The following CAMK2D variants were observed in gnomAD, a reference collection of about 807,000 sequenced individuals.
CAMK2D encodes calcium/calmodulin-dependent protein kinase type II subunit delta.
A neutral mutation model predicts 84.0 loss-of-function variants in CAMK2D; 37 were observed. The observed-to-expected ratio is 0.44, with a 90% CI of 0.34 to 0.58. CAMK2D has a LOEUF of 0.58. CAMK2D is among the 20% of genes least tolerant of loss of function. The pLI is 0.02. For missense variants in CAMK2D, 448 were observed against 652.5 expected (o/e 0.69, Z 3.41); for synonymous variants, 202 against 212.5 (o/e 0.95, Z 0.43).
At chr4:113,548,690 A>G in intron 5 of CAMK2D, 1 of 1,585,824 alleles carries the variant, frequency 6.3e-7, no homozygotes. Context: ...CATTTAGGTG[A>G]CAATGATTAA....
intron 4 of CAMK2D, among the ~76,000 whole-genome samples, chr4:113,602,914 C>T (rs957633779): frequency 1.8e-4 from 27 of 152,264 alleles, no homozygotes; most frequent in Non-Finnish European, 3.8e-4. Context: ...AGGTGACTGC[C>T]CATGTTAAAG....
chr4:113,609,194 T>C lies in CAMK2D; in HGVS notation c.233A>G (p.Asp78Gly), dbSNP rs756503673. 5.7e-6 allele frequency: 9 copies of C among 1,580,964 alleles called. No homozygotes were observed. The highest frequency in any genetic ancestry group is 2.2e-5 in the South Asian group (2 of 90,360). Residue 78 changes from aspartate to glycine, a missense_variant, in exon 4 of 21, where the codon GAT becomes GGT. Transcript: ENST00000511664. Reference sequence around the variant, plus strand: ...GTGAAAGCCCTCTTCTGATATGCTATCATGAAGTCGCACTAGAAAAAAATA... The same window carrying C: ...GTGAAAGCCCTCTTCTGATATGCTACCATGAAGTCGCACTAGAAAAAAATA... ...LKHPNIVRLHDSISEEGFHYL... is the reference protein window; with the variant it reads ...LKHPNIVRLHGSISEEGFHYL...
At chr4:113,515,385 T>C (rs1218970300) in intron 9 of CAMK2D, among the ~76,000 whole-genome samples, 194 bp from the exon 10 acceptor site, 2 of 152,116 alleles carry the variant, frequency 1.3e-5, no homozygotes, top group Admixed American at 1.3e-4. Flanking sequence ...CAACTATATA[T>C]ATTAAAGAGT....
intron 4 of CAMK2D, among the ~76,000 whole-genome samples, chr4:113,570,348 G>A (rs531019446): frequency 3.9e-4 from 59 of 152,232 alleles, no homozygotes; most frequent in African/African-American, 1.3e-3. Context: ...GAGCAATCTT[G>A]AGCAAAGAGA....
At chr4:113,632,884 A>G (rs962041339) in intron 3 of CAMK2D, among the ~76,000 whole-genome samples, 3 of 152,182 alleles carry the variant, frequency 2.0e-5, no homozygotes, top group Non-Finnish European at 2.9e-5. Flanking sequence ...AAAGCATCAT[A>G]AAATAATGTT....
At position 113,454,167 on chromosome 4, in the gene CAMK2D, G is replaced by A. The variant is rs1020644130; in HGVS notation, c.*378C>T. 5 of 180,876 alleles carry A rather than the reference G, an allele frequency of 2.8e-5. No individual in the cohort carries two copies. Among genetic ancestry groups the A allele is most frequent in the South Asian group, 4.0e-4 (2 of 5,036 alleles). The allele number at this position is 180,876 out of a possible 1,614,324, so 11.2% of individuals were successfully genotyped here. A position where few individuals can be genotyped will look rare whatever the true frequency, so the allele number is the denominator to read the frequency against. ...AAAAATTTACATTTCTCTTACAACT[G>A]TCATTCAGAGAACAATAGTTCTTAA... On this transcript the variant is annotated 3_prime_UTR_variant, in exon 21 of 21. Coordinates refer to ENST00000511664, the MANE Select transcript of CAMK2D (RefSeq NM_001321571.2).
intron 2 of CAMK2D, among the ~76,000 whole-genome samples, chr4:113,703,232 T>C (rs2099428506): frequency 6.6e-6 from 1 of 152,166 alleles, no homozygotes; most frequent in Non-Finnish European, 1.5e-5. Flanking sequence ...GTGATACAGA[T>C]AGATGATATA....
intron 2 of CAMK2D, among the ~76,000 whole-genome samples, chr4:113,669,377 A>G (rs975184170): frequency 6.6e-6 from 1 of 152,188 alleles, no homozygotes; most frequent in Non-Finnish European, 1.5e-5. Context: ...TAAGCCTTAT[A>G]CTACTTCTAG....
chr4:113,684,051 T>C (rs2099352929), intron 2 of CAMK2D, among the ~76,000 whole-genome samples: 1 of 152,150 alleles, frequency 6.6e-6, no homozygotes, highest in Non-Finnish European at 1.5e-5. Flanking sequence ...GAGAGATTTA[T>C]ATATAAAAAG....
At chr4:113,577,874 A>C (rs576736353) in intron 4 of CAMK2D, among the ~76,000 whole-genome samples, 1 of 152,044 alleles carries the variant, frequency 6.6e-6, no homozygotes, top group East Asian at 1.9e-4. Flanking sequence ...TGTATTTGTC[A>C]TGAAAGAGTG....
rs548326091 is a variant in CAMK2D at position 113,620,024 on chromosome 4, G to C, written c.221-10818C>G. Among the ~76,000 whole-genome samples, 27 of 152,294 alleles carry C rather than the reference G, an allele frequency of 1.8e-4. 1 individual carries two copies. The South Asian group carries it at 5.0e-3, about 28-fold the overall frequency. ...TCAGTTACTATATAATACAACAAATGATGGGAATCACCAAGAGAATGATAG... is the reference window on the plus strand; with the variant it reads ...TCAGTTACTATATAATACAACAAATCATGGGAATCACCAAGAGAATGATAG... On this transcript the variant is annotated intron_variant, in intron 3 of 20. Transcript: ENST00000511664.
intron 16 of CAMK2D, among the ~76,000 whole-genome samples, chr4:113,497,158 A>G (rs2097947302): frequency 6.6e-6 from 1 of 151,228 alleles, no homozygotes; most frequent in Admixed American, 6.6e-5. Flanking sequence ...GTTGGGTTTC[A>G]CTAATTTTTC....
At position 113,497,608 on chromosome 4, in the gene CAMK2D, T is replaced by C. The variant is rs148834414; in HGVS notation, c.1135+2855A>G. Among the ~76,000 whole-genome samples the C allele has an allele frequency of 3.9e-3, 587 of 152,348 alleles. 5 individuals are homozygous for C. Among genetic ancestry groups the C allele is most frequent in the African/African-American group, 0.014 (567 of 41,592 alleles). ...CTTTGTTGTTAGTTTACCTCATTTC[T>C]TCCTTTGACCGGGTTACCACAGTGT... On this transcript the variant is annotated intron_variant, in intron 16 of 20. Transcript: ENST00000511664.
chr4:113,761,298 C>G lies in CAMK2D; in HGVS notation c.-230G>C, dbSNP rs988053200. Reference sequence around the variant, plus strand: ...CCCACAGTCCGCCGATCCTCCTCCTCCTGCGGGCCTCGCTTCCTTCTTCTC... The same window carrying G: ...CCCACAGTCCGCCGATCCTCCTCCTGCTGCGGGCCTCGCTTCCTTCTTCTC... On this transcript the variant is annotated 5_prime_UTR_variant, in exon 1 of 21. Coordinates refer to ENST00000511664, the MANE Select transcript of CAMK2D (RefSeq NM_001321571.2). 7.0e-7 allele frequency: 1 copy of G among 1,423,100 alleles called. No individual in the cohort carries two copies. Among genetic ancestry groups the G allele is most frequent in the Non-Finnish European group, 9.2e-7 (1 of 1,092,450 alleles). The allele number at this position is 1,423,100 out of a possible 1,614,324, so 88.2% of individuals were successfully genotyped here. A position where few individuals can be genotyped will look rare whatever the true frequency, so the allele number is the denominator to read the frequency against.
At chr4:113,572,640 T>C (rs1264059675) in intron 4 of CAMK2D, among the ~76,000 whole-genome samples, 1 of 152,132 alleles carries the variant, frequency 6.6e-6, no homozygotes, top group East Asian at 1.9e-4. Flanking sequence ...TAACAGATGC[T>C]GGGGAGATTG....
At chr4:113,733,513 T>C (rs980061529) in intron 2 of CAMK2D, among the ~76,000 whole-genome samples, 1 of 152,200 alleles carries the variant, frequency 6.6e-6, no homozygotes, top group African/African-American at 2.4e-5. Context: ...GTGAGTTAAG[T>C]GAGTTAAATA....
chr4:113,629,083 A>G (rs1047567006), intron 3 of CAMK2D, among the ~76,000 whole-genome samples: 2 of 152,086 alleles, frequency 1.3e-5, no homozygotes, highest in African/African-American at 2.4e-5. Flanking sequence ...TTAAGGGACT[A>G]ATGATTTTTA....
chr4:113,648,537 A>T (rs78812602), intron 3 of CAMK2D, among the ~76,000 whole-genome samples: 8,024 of 152,304 alleles, frequency 0.053, 589 homozygotes, highest in African/African-American at 0.16. Context: ...CCAACAAAAG[A>T]TACATGTTTG....
chr4:113,458,299 T>C (rs983065907), intron 18 of CAMK2D, among the ~76,000 whole-genome samples: 1 of 152,228 alleles, frequency 6.6e-6, no homozygotes, highest in African/African-American at 2.4e-5. Context: ...ATTCTAATTA[T>C]TCAGTCACCA....
Sources: allele counts gnomAD v4.1 joint callset (sites outside exome capture counted in the v4.1 genomes callset), GRCh38; gene constraint gnomAD v4.1.1; transcripts MANE v1.5; gene names NCBI Gene and HGNC (gene_info 2026-07-23, HGNC 2026-07-21).